EPHA7: variants seen among roughly 807,000 people sequenced by gnomAD.
EPHA7 encodes ephrin type-A receptor 7.
In EPHA7, 25 loss-of-function variants were observed where a neutral mutation model predicts 112.6. The observed-to-expected ratio is 0.22, with a 90% confidence interval of 0.16 to 0.31. EPHA7 has a LOEUF of 0.31. Among genes scored for constraint, EPHA7 ranks in the 10% least tolerant of loss-of-function variants. EPHA7 has a pLI of 1.00. For synonymous variants in EPHA7, 437 were observed against 406.5 expected (o/e 1.07, Z -0.90); for missense variants, 962 against 1,212.6 (o/e 0.79, Z 3.07).
rs143511862 is a variant in EPHA7 at position 93,394,605 on chromosome 6, T to C, written c.832+15896A>G. Among the ~76,000 whole-genome samples the C allele has an allele frequency of 4.8e-4, 73 of 151,984 alleles. 1 individual carries two copies. The highest frequency in any genetic ancestry group is 3.4e-3 in the Middle Eastern group (1 of 294). On this transcript the variant is annotated intron_variant, in intron 3 of 16. Coordinates refer to ENST00000369303, the MANE Select transcript of EPHA7 (RefSeq NM_004440.4). ...AGAAGAGAATATCTTACTGATGAGA[T>C]GCTGTCTTTTTAAGTTTGGTAGAAC... is the stretch of plus-strand genomic sequence containing the variant.
chr6:93,263,690 A>G (rs1315275782), intron 9 of EPHA7, among the ~76,000 whole-genome samples, 170 bp downstream of exon 9: 2 of 151,516 alleles, frequency 1.3e-5, no homozygotes. Context: ...TCAAATTCAC[A>G]TCACATGATT....
At chr6:93,282,628 G>T (rs1184129340) in intron 5 of EPHA7, among the ~76,000 whole-genome samples, 1 of 152,152 alleles carries the variant, frequency 6.6e-6, no homozygotes, top group Non-Finnish European at 1.5e-5. Context: ...GGCTCCTTCA[G>T]CTTGCGGGGA....
In EPHA7 at chr6:93,245,844, C is replaced by T. The variant is rs116616875; in HGVS notation, c.2727-391G>A. 5.7e-3 allele frequency among the ~76,000 whole-genome samples: 870 copies of T among 152,272 alleles called. 10 individuals are homozygous for T. The highest frequency in any genetic ancestry group is 0.019 in the African/African-American group (800 of 41,554). ...GTAGAGATATTGTGCATCTCCTTTG[C>T]TGATGGCATTCTTGTGAATGCCTGG... On this transcript the variant is annotated intron_variant, in intron 15 of 16. Coordinates refer to ENST00000369303, the MANE Select transcript of EPHA7 (RefSeq NM_004440.4).
In EPHA7 at chr6:93,284,851, T is replaced by TG. The variant is rs1476779950; in HGVS notation, c.1325-12430dup. On this transcript the variant is annotated intron_variant, in intron 5 of 16. Coordinates refer to ENST00000369303, the MANE Select transcript of EPHA7 (RefSeq NM_004440.4). The stretch of plus-strand genomic sequence containing the variant: ...TCACACACCAGGGCCTGTTGGGGGG[T>TG]GGGGGGCTAGGGGAGGGATAGCATT... Among the ~76,000 whole-genome samples, 6 of 62,312 alleles carry TG rather than the reference T, an allele frequency of 9.6e-5. No homozygotes were observed. The East Asian group carries it at 2.2e-3, about 22-fold the overall frequency. The allele number at this position is 62,312 out of a possible 152,430, so 40.9% of individuals were successfully genotyped here. A position where few individuals can be genotyped will look rare whatever the true frequency, so the allele number is the denominator to read the frequency against.
chr6:93,326,012 CA>C, intron 5 of EPHA7, among the ~76,000 whole-genome samples: 1 of 151,300 alleles, frequency 6.6e-6, no homozygotes, highest in African/African-American at 2.4e-5. Context: ...AACAAAGAGT[CA>C]AGAATAATAA....
intron 5 of EPHA7, among the ~76,000 whole-genome samples, chr6:93,335,464 A>T (rs1384527393): frequency 1.3e-5 from 2 of 152,104 alleles, no homozygotes; most frequent in African/African-American, 2.4e-5. Flanking sequence ...GATTTGTTAA[A>T]GTTCTCAGTA....
chr6:93,264,761 T>C (rs1354513312), intron 7 of EPHA7, 59 bp from the exon 8 acceptor site: 2 of 910,830 alleles, frequency 2.2e-6, no homozygotes, highest in African/African-American at 3.5e-5. Context: ...CTTGAAAGGT[T>C]AAATAAAATT....
chr6:93,361,871 A>T (rs949049413), intron 3 of EPHA7, among the ~76,000 whole-genome samples: 1 of 152,110 alleles, frequency 6.6e-6, no homozygotes, highest in Non-Finnish European at 1.5e-5. Flanking sequence ...TACCCTATGG[A>T]TAAAGTTAGT....
chr6:93,287,128 C>T (rs1772105755), intron 5 of EPHA7, among the ~76,000 whole-genome samples: 1 of 152,154 alleles, frequency 6.6e-6, no homozygotes, highest in African/African-American at 2.4e-5. Flanking sequence ...TACCTTCACT[C>T]TTTTATATAA....
chr6:93,348,659 T>C (rs1775530951), intron 5 of EPHA7, among the ~76,000 whole-genome samples: 1 of 151,914 alleles, frequency 6.6e-6, no homozygotes, highest in Non-Finnish European at 1.5e-5. Flanking sequence ...GCAAAATGAC[T>C]ATACTTGAAA....
intron 5 of EPHA7, among the ~76,000 whole-genome samples, chr6:93,316,472 A>C (rs1296589394): frequency 6.6e-6 from 1 of 152,110 alleles, no homozygotes; most frequent in East Asian, 1.9e-4. Context: ...CTGTTCTAAC[A>C]TTGCTTGTAT....
At chr6:93,246,286 G>A (rs1333996323) in intron 15 of EPHA7, among the ~76,000 whole-genome samples, 1 of 151,880 alleles carries the variant, frequency 6.6e-6, no homozygotes, top group Non-Finnish European at 1.5e-5. Context: ...TCCTGACCTC[G>A]AGATCCACCT....
chr6:93,270,425 TA>T (rs1457005683), intron 6 of EPHA7, among the ~76,000 whole-genome samples: 2 of 151,430 alleles, frequency 1.3e-5, no homozygotes, highest in South Asian at 2.1e-4. Context: ...GGAATAAATG[TA>T]AAAACTCAAG....
At chr6:93,413,243 C>T (rs1162512169) in intron 2 of EPHA7, among the ~76,000 whole-genome samples, 1 of 151,856 alleles carries the variant, frequency 6.6e-6, no homozygotes, top group African/African-American at 2.4e-5. Flanking sequence ...TATTGTCCAT[C>T]ATTGTTTTCT....
At chr6:93,291,047 C>T (rs1582458982) in intron 5 of EPHA7, among the ~76,000 whole-genome samples, 3 of 152,112 alleles carry the variant, frequency 2.0e-5, no homozygotes, top group East Asian at 3.9e-4. Flanking sequence ...CCAAGAAATC[C>T]GAATTTTTCT....
At chr6:93,416,875 G>C (rs1197976789) in intron 1 of EPHA7, among the ~76,000 whole-genome samples, 1 of 152,022 alleles carries the variant, frequency 6.6e-6, no homozygotes, top group Non-Finnish European at 1.5e-5. Flanking sequence ...GGGCTGGGGC[G>C]GGGCCGTCGG....
chr6:93,257,347 TCTAAC>T, intron 12 of EPHA7, 110 bp downstream of exon 12: 1 of 680,006 alleles, frequency 1.5e-6, no homozygotes, highest in Non-Finnish European at 2.4e-6. Context: ...AAGACAATCT[TCTAAC>T]CTCTTACTAT....
chr6:93,273,909 T>C (rs896950639), intron 5 of EPHA7, among the ~76,000 whole-genome samples: 8 of 151,876 alleles, frequency 5.3e-5, no homozygotes, highest in Non-Finnish European at 1.0e-4. Flanking sequence ...GGAATCCAAC[T>C]CCAACTAATT....
intron 14 of EPHA7, among the ~76,000 whole-genome samples, chr6:93,253,270 T>C (rs1470057248): frequency 1.3e-5 from 2 of 152,060 alleles, no homozygotes; most frequent in African/African-American, 4.8e-5. Flanking sequence ...ATTTAGACTT[T>C]TATCTTTGAA....
Sources: gnomAD v4.1 joint callset for allele counts (sites outside exome capture counted in the v4.1 genomes callset) on GRCh38, gnomAD v4.1.1 for gene constraint, MANE v1.5 for transcripts, NCBI Gene and HGNC (gene_info 2026-07-23, HGNC 2026-07-21) for gene names.